The following IL23R variants were observed in gnomAD, a reference collection of about 807,000 sequenced individuals.
The protein encoded by IL23R is interleukin 23 receptor, also known as interleukin-23 receptor.
Under a neutral mutation model 56.9 loss-of-function variants are expected in IL23R, and 34 were observed. That is an observed-to-expected ratio of 0.60 (90% CI 0.45 to 0.80). The LOEUF is 0.80. Among genes scored for constraint, IL23R ranks in the 30% least tolerant of loss-of-function variants. The pLI, the probability that IL23R is intolerant of heterozygous loss-of-function variation, is 0.00. For missense variants in IL23R, 635 were observed against 730.0 expected (o/e 0.87, Z 1.50); for synonymous variants, 230 against 249.2 (o/e 0.92, Z 0.73).
At chr1:67,153,481 TCTG>T (rs1438393816) in intron 1 of IL23R, among the ~76,000 whole-genome samples, 2 of 152,152 alleles carry the variant, frequency 1.3e-5, no homozygotes, top group South Asian at 2.1e-4. Flanking sequence ...TTTCTCGTCT[TCTG>T]CTAGCTTTTG....
chr1:67,206,170 G>A (rs1055251948), intron 5 of IL23R, among the ~76,000 whole-genome samples: 9 of 150,798 alleles, frequency 6.0e-5, no homozygotes, highest in South Asian at 4.2e-4. Flanking sequence ...CCACCACCAC[G>A]CCGGGCTAAT....
intron 10 of IL23R, among the ~76,000 whole-genome samples, chr1:67,258,230 G>A (rs575792006): frequency 1.3e-5 from 2 of 152,208 alleles, no homozygotes; most frequent in South Asian, 4.1e-4. Context: ...ACCAAGAAAT[G>A]TGCTTAAGAA....
chr1:67,217,376 G>A (rs1649916256), intron 6 of IL23R, among the ~76,000 whole-genome samples: 1 of 152,112 alleles, frequency 6.6e-6, no homozygotes, highest in African/African-American at 2.4e-5. Flanking sequence ...CACCTGGTTT[G>A]CCTCATGGTT....
At chr1:67,249,175 A>G (rs1227725175) in intron 9 of IL23R, among the ~76,000 whole-genome samples, 1 of 152,148 alleles carries the variant, frequency 6.6e-6, no homozygotes, top group African/African-American at 2.4e-5. Flanking sequence ...CTGGCATAGT[A>G]TTTTCTTGGT....
intron 6 of IL23R, among the ~76,000 whole-genome samples, chr1:67,209,254 GA>G (rs1176683302): frequency 6.6e-6 from 1 of 152,198 alleles, no homozygotes; most frequent in African/African-American, 2.4e-5. Context: ...GGTTAATGCT[GA>G]AATGAGTTAT....
chr1:67,174,921 A>G (rs1193160937), intron 3 of IL23R, among the ~76,000 whole-genome samples: 1 of 152,174 alleles, frequency 6.6e-6, no homozygotes, highest in East Asian at 1.9e-4. Flanking sequence ...TACAGCTCAC[A>G]TGCTACTCAG....
At chr1:67,228,943 C>A (rs770252637) in intron 7 of IL23R, among the ~76,000 whole-genome samples, 6 of 152,174 alleles carry the variant, frequency 3.9e-5, no homozygotes, top group Non-Finnish European at 7.3e-5. Flanking sequence ...AAAGAACATA[C>A]TCAATTTCTC....
chr1:67,248,783 C>G (rs181016878), intron 9 of IL23R, among the ~76,000 whole-genome samples: 1 of 152,220 alleles, frequency 6.6e-6, no homozygotes, highest in East Asian at 1.9e-4. Flanking sequence ...GGGGTGGGAC[C>G]CACTGAGCCA....
At position 67,169,448 on chromosome 1, in the gene IL23R, C is replaced by A. The variant is rs772622626; in HGVS notation, c.177C>A (p.Cys59Ter). ...SIYCQAAIKN[C>*]QPRKLHFYKN... ...ATTGCCAAGCAGCAATTAAGAACTG[C>A]CAACCAAGGAAACTTCATTTTTATA... Residue 59 changes from cysteine (C) to a stop codon, truncating the protein, a stop_gained, in exon 3 of 11, where the codon TGC becomes TGA. Transcript: ENST00000347310. LOFTEE classifies it high-confidence loss of function. The A allele has an allele frequency of 6.2e-7, 1 of 1,613,628 alleles. No homozygotes were observed. The highest frequency in any genetic ancestry group is 8.5e-7 in the Non-Finnish European group (1 of 1,179,668).
chr1:67,242,743 C>T (rs923597267), intron 9 of IL23R, among the ~76,000 whole-genome samples: 1 of 152,116 alleles, frequency 6.6e-6, no homozygotes, highest in African/African-American at 2.4e-5. Flanking sequence ...GTTGATTGTC[C>T]TCAGTGAACC....
In IL23R at chr1:67,258,659, T is replaced by C. The variant is rs781688541; in HGVS notation, c.1421T>C (p.Val474Ala). 38 of 1,613,866 alleles carry C rather than the reference T, an allele frequency of 2.4e-5. No homozygotes were observed. Among genetic ancestry groups the C allele is most frequent in the Non-Finnish European group, 3.0e-5 (35 of 1,179,958 alleles). Residue 474 changes from valine (V) to alanine (A), a missense_variant, in exon 11 of 11, where the codon GTT becomes GCT. Val to Ala is a moderately conservative substitution (Grantham distance 64, BLOSUM62 0). Transcript: ENST00000347310. ...PQNSLFDNTT[V>A]VYIPDLNTGY... ...AACTCGCTATTCGACAATACTACAG[T>C]TGTATATATTCCTGATCTCAACACT...
At chr1:67,164,370 C>A (rs116154291), upstream of IL23R, among the ~76,000 whole-genome samples, 1 of 152,138 alleles carries the variant, frequency 6.6e-6, no homozygotes, top group Non-Finnish European at 1.5e-5. Context: ...AGGCGTCTCA[C>A]GCCTGTAATC....
chr1:67,256,318 G>A (rs1652945206), intron 10 of IL23R, among the ~76,000 whole-genome samples: 1 of 151,978 alleles, frequency 6.6e-6, no homozygotes, highest in African/African-American at 2.4e-5. Context: ...GAGATGGAGA[G>A]CCAGGTGGAG....
intron 3 of IL23R, among the ~76,000 whole-genome samples, chr1:67,181,085 A>T (rs1647134514): frequency 6.6e-6 from 1 of 152,102 alleles, no homozygotes; most frequent in South Asian, 2.1e-4. Context: ...GGTGAATCTG[A>T]CAATCATGTG....
chr1:67,139,444 C>G (rs1162494218), intron 1 of IL23R, among the ~76,000 whole-genome samples: 1 of 152,184 alleles, frequency 6.6e-6, no homozygotes, highest in African/African-American at 2.4e-5. Context: ...CAACATAGCT[C>G]AAAAACTGCT....
chr1:67,196,658 T>C (rs903613835), intron 4 of IL23R, among the ~76,000 whole-genome samples: 2 of 152,218 alleles, frequency 1.3e-5, no homozygotes, highest in African/African-American at 4.8e-5. Flanking sequence ...CATGATGTAA[T>C]GCAATTAACT....
rs547068833 is a variant in IL23R at position 67,222,911 on chromosome 1, AACTT to A, written c.955+3187_955+3190del. On this transcript the variant is annotated intron_variant, in intron 7 of 10. Coordinates refer to ENST00000347310, the MANE Select transcript of IL23R (RefSeq NM_144701.3). Reference sequence around the variant, plus strand: ...TTTAATTTCAGGGAAGCAGAGGAGCAACTTACTTAAGTATTCTAAGTATAGGACT... The same window carrying A: ...TTTAATTTCAGGGAAGCAGAGGAGCAACTTAAGTATTCTAAGTATAGGACT... Among the ~76,000 whole-genome samples the A allele has an allele frequency of 2.3e-3, 349 of 152,306 alleles. 1 individual carries two copies. The highest frequency in any genetic ancestry group is 3.9e-3 in the Non-Finnish European group (263 of 68,032).
At chr1:67,245,125 G>A (rs1652127529) in intron 9 of IL23R, among the ~76,000 whole-genome samples, 1 of 152,098 alleles carries the variant, frequency 6.6e-6, no homozygotes, top group Non-Finnish European at 1.5e-5. Flanking sequence ...CCTGTTATTG[G>A]CGTATAGGAA....
intron 4 of IL23R, among the ~76,000 whole-genome samples, chr1:67,197,797 G>A (rs1276017305): frequency 6.6e-6 from 1 of 152,050 alleles, no homozygotes; most frequent in Non-Finnish European, 1.5e-5. Flanking sequence ...TTAGCTGAGA[G>A]TGGTGGTGCA....
Sources: gnomAD v4.1 joint callset for allele counts (sites outside exome capture counted in the v4.1 genomes callset) on GRCh38, gnomAD v4.1.1 for gene constraint, MANE v1.5 for transcripts, NCBI Gene and HGNC (gene_info 2026-07-23, HGNC 2026-07-21) for gene names.